SLC39A9: variants seen among roughly 807,000 people sequenced by gnomAD.
The protein encoded by SLC39A9 is zinc transporter ZIP9.
SLC39A9 carries 14 observed loss-of-function variants against 28.4 expected under a neutral mutation model. The ratio of observed to expected loss-of-function variants is 0.49; its 90% CI spans 0.33 to 0.77. The LOEUF (loss-of-function observed/expected upper bound fraction) is 0.77. SLC39A9 is among the 30% of genes least tolerant of loss of function. The probability of loss-of-function intolerance (pLI) is 0.02; values close to 1 mark genes in which losing one functional copy is unlikely to be tolerated. For missense variants in SLC39A9, 283 were observed against 381.1 expected (o/e 0.74, Z 2.14); for synonymous variants, 119 against 149.6 (o/e 0.80, Z 1.49).
chr14:69,426,967 T>C (rs181684422), intron 2 of SLC39A9, among the ~76,000 whole-genome samples: 88 of 152,136 alleles, frequency 5.8e-4, no homozygotes, highest in Middle Eastern at 3.4e-3. Context: ...ACAGGTTGCA[T>C]TCCCTTATTT....
chr14:69,441,521 G>A (rs1375749552), intron 2 of SLC39A9, among the ~76,000 whole-genome samples: 2 of 152,088 alleles, frequency 1.3e-5, no homozygotes, highest in Non-Finnish European at 2.9e-5. Context: ...TGAAGGATGT[G>A]CCTCTTAAAC....
intron 1 of SLC39A9, among the ~76,000 whole-genome samples, chr14:69,400,703 G>A (rs1882583382): frequency 6.6e-6 from 1 of 152,146 alleles, no homozygotes; most frequent in Non-Finnish European, 1.5e-5. Context: ...AAAGAAGGTG[G>A]GACAAGGTGT....
intron 3 of SLC39A9, 124 bp from the exon 4 acceptor site, chr14:69,453,117 A>ACC: frequency 2.7e-6 from 2 of 729,780 alleles, no homozygotes; most frequent in Non-Finnish European, 4.7e-6. Flanking sequence ...CGGGCGGATC[A>ACC]TTGGAGGTCA....
chr14:69,460,424 T>G lies in SLC39A9; in HGVS notation c.*1831T>G. On this transcript the variant is annotated 3_prime_UTR_variant, in exon 7 of 7. Transcript: ENST00000336643. ...TATAGTATGGAAAGTCCAAATGACT[T>G]CCTTGATTGGATGTTAACAGCTGAC... 1.0e-6 allele frequency: 1 copy of G among 985,468 alleles called. No individual in the cohort carries two copies. The highest frequency in any genetic ancestry group is 1.2e-6 in the Non-Finnish European group (1 of 829,936). The allele number at this position is 985,468 out of a possible 1,614,324, so 61.0% of individuals were successfully genotyped here. A position where few individuals can be genotyped will look rare whatever the true frequency, so the allele number is the denominator to read the frequency against.
Position 69,459,411 on chromosome 14 carries a change from G to A in SLC39A9, c.*818G>A, listed in dbSNP as rs1886015360. On this transcript the variant is annotated 3_prime_UTR_variant, in exon 7 of 7. Transcript: ENST00000336643. The stretch of plus-strand genomic sequence containing the variant: ...CAAGTTCTAGTAGTTTCAGTTCTAG[G>A]CTTTCCTTCAAGAACAGTCAGATCA... 2 of 985,238 alleles carry A rather than the reference G, an allele frequency of 2.0e-6. No individual in the cohort carries two copies. The highest frequency in any genetic ancestry group is 1.7e-5 in the African/African-American group (1 of 57,230). The allele number at this position is 985,238 out of a possible 1,614,324, so 61.0% of individuals were successfully genotyped here.
rs539545689 is a variant in SLC39A9, at chr14:69,419,481, A to G, written c.97-4613A>G. On this transcript the variant is annotated intron_variant, in intron 1 of 6. Transcript: ENST00000336643. ...GCTGAGAACAATGTATATTCTGTTG[A>G]TTTGGGGTGGAGAGTTCTGTAGATG... Among the ~76,000 whole-genome samples, 22 of 152,222 alleles carry G rather than the reference A, an allele frequency of 1.4e-4. 1 individual carries two copies. Among genetic ancestry groups the G allele is most frequent in the Admixed American group, 1.4e-3 (21 of 15,290 alleles).
At chr14:69,434,932 C>T (rs758493672) in intron 2 of SLC39A9, among the ~76,000 whole-genome samples, 1 of 152,086 alleles carries the variant, frequency 6.6e-6, no homozygotes, top group African/African-American at 2.4e-5. Flanking sequence ...TCTAGTTTAA[C>T]TTTATTATGG....
rs1882483030 is a variant in SLC39A9 at position 69,399,217 on chromosome 14, G to A, written c.-153G>A. Reference sequence around the variant, plus strand: ...GTTGCCGGGTACGTTCAAGAGGAAGGTGCCTCGTGAACACATCTGCTGGTG... The same window carrying A: ...GTTGCCGGGTACGTTCAAGAGGAAGATGCCTCGTGAACACATCTGCTGGTG... On this transcript the variant is annotated 5_prime_UTR_variant, in exon 1 of 7. In the 5' UTR this introduces an upstream ATG that the reference lacks. Coordinates refer to ENST00000336643, the MANE Select transcript of SLC39A9 (RefSeq NM_018375.5). 4 of 655,588 alleles carry A rather than the reference G, an allele frequency of 6.1e-6. No homozygotes were observed. The highest frequency in any genetic ancestry group is 1.8e-5 in the South Asian group (1 of 55,184). 40.6% of individuals were successfully genotyped at this position (655,588 alleles called of 1,614,324 possible).
intron 3 of SLC39A9, 62 bp from the exon 4 acceptor site, chr14:69,453,179 C>T (rs1422731039): frequency 8.4e-6 from 12 of 1,430,068 alleles, no homozygotes; most frequent in Non-Finnish European, 1.2e-5. Context: ...CACCTCCAGA[C>T]CAATGTTTGA....
At chr14:69,402,190 C>A (rs535431899) in intron 1 of SLC39A9, among the ~76,000 whole-genome samples, 75 of 149,628 alleles carry the variant, frequency 5.0e-4, no homozygotes, top group Non-Finnish European at 8.4e-4. Flanking sequence ...TCAAGCCACA[C>A]ATAAAATACA....
At chr14:69,414,302 G>A (rs1883452464) in intron 1 of SLC39A9, among the ~76,000 whole-genome samples, 1 of 152,152 alleles carries the variant, frequency 6.6e-6, no homozygotes, top group South Asian at 2.1e-4. Flanking sequence ...TTATCTCAAT[G>A]TAGTTTTTCA....
intron 3 of SLC39A9, among the ~76,000 whole-genome samples, chr14:69,450,480 A>G (rs962888914): frequency 2.0e-5 from 3 of 152,216 alleles, no homozygotes; most frequent in Non-Finnish European, 4.4e-5. Flanking sequence ...AAAGATATAT[A>G]TGGTGATTGT....
At chr14:69,406,439 T>C (rs1275083911) in intron 1 of SLC39A9, among the ~76,000 whole-genome samples, 2 of 152,206 alleles carry the variant, frequency 1.3e-5, no homozygotes, top group Non-Finnish European at 2.9e-5. Flanking sequence ...AGAATGTTTC[T>C]GTATATGATA....
intron 1 of SLC39A9, among the ~76,000 whole-genome samples, chr14:69,408,170 G>A (rs1326541498): frequency 6.6e-6 from 1 of 151,830 alleles, no homozygotes; most frequent in African/African-American, 2.4e-5. Context: ...CTACCAACAC[G>A]CCCGGCTAAT....
chr14:69,454,364 G>A (rs1054962027), intron 4 of SLC39A9, among the ~76,000 whole-genome samples: 1 of 152,120 alleles, frequency 6.6e-6, no homozygotes, highest in African/African-American at 2.4e-5. Context: ...CCACCTCCCG[G>A]GTTTAAGCAA....
intron 2 of SLC39A9, among the ~76,000 whole-genome samples, chr14:69,426,959 A>G (rs1490142851): frequency 6.6e-6 from 1 of 151,842 alleles, no homozygotes; most frequent in East Asian, 1.9e-4. Context: ...ATAACACCAC[A>G]GGTTGCATTC....
intron 1 of SLC39A9, among the ~76,000 whole-genome samples, chr14:69,413,971 C>A (rs1157760383): frequency 1.3e-5 from 2 of 151,754 alleles, no homozygotes; most frequent in Non-Finnish European, 2.9e-5. Context: ...ATTTTTAAAA[C>A]ATGGGTCTAA....
At chr14:69,455,959 C>G in intron 6 of SLC39A9, 93 bp downstream of exon 6, 3 of 1,430,384 alleles carry the variant, frequency 2.1e-6, no homozygotes, top group South Asian at 1.3e-5. Flanking sequence ...ATACATTACT[C>G]TCTCAAACTA....
At chr14:69,408,520 C>G (rs1045798777) in intron 1 of SLC39A9, among the ~76,000 whole-genome samples, 1 of 152,164 alleles carries the variant, frequency 6.6e-6, no homozygotes, top group Non-Finnish European at 1.5e-5. Flanking sequence ...GCCTGGGAGT[C>G]ATTAGGGAGA....
Sources: allele counts gnomAD v4.1 joint callset (sites outside exome capture counted in the v4.1 genomes callset), GRCh38; gene constraint gnomAD v4.1.1; transcripts MANE v1.5; gene names NCBI Gene and HGNC (gene_info 2026-07-23, HGNC 2026-07-21).